Variants in DYM observed in about 807,000 individuals in gnomAD.
DYM encodes the protein dymeclin, also known as dyggve-Melchior-Clausen syndrome protein.
A neutral mutation model predicts 93.1 loss-of-function variants in DYM; 78 were observed. The observed-to-expected ratio is 0.84, with a 90% CI of 0.70 to 1.01. DYM has a LOEUF of 1.01. DYM is among the 50% of genes least tolerant of loss of function. DYM has a pLI of 0.00. For missense variants in DYM, 789 were observed against 845.0 expected (o/e 0.93, Z 0.82); for synonymous variants, 321 against 319.7 (o/e 1.00, Z -0.04).
At chr18:49,334,107 C>G (rs2063503317) in intron 6 of DYM, among the ~76,000 whole-genome samples, 2 of 152,136 alleles carry the variant, frequency 1.3e-5, no homozygotes, top group African/African-American at 4.8e-5. Context: ...TATTAAATGA[C>G]AAGTCTATTT....
At chr18:49,379,548 G>T in intron 4 of DYM, 117 bp downstream of exon 4, 7 of 901,366 alleles carry the variant, frequency 7.8e-6, no homozygotes, top group Admixed American at 6.6e-5. Context: ...TCTTAATAAT[G>T]AGAATAATTC....
At chr18:49,056,127 TCACCCTCTGCTCCCA>T (rs1421038327) in intron 17 of DYM, among the ~76,000 whole-genome samples, 4 of 152,160 alleles carry the variant, frequency 2.6e-5, no homozygotes, top group African/African-American at 9.7e-5. Context: ...TCTTCAGCTG[TCACCCTCTGCTCCCA>T]CTTTCCTGAA....
At chr18:49,360,509 C>T (rs1307719311) in intron 6 of DYM, among the ~76,000 whole-genome samples, 1 of 151,964 alleles carries the variant, frequency 6.6e-6, no homozygotes, top group African/African-American at 2.4e-5. Flanking sequence ...GTAATCCCAG[C>T]TACTCAGGAG....
chr18:49,088,250 C>T (rs553901038), intron 17 of DYM, among the ~76,000 whole-genome samples: 1 of 152,230 alleles, frequency 6.6e-6, no homozygotes, highest in East Asian at 1.9e-4. Context: ...GGTTTTAGGT[C>T]TAACACCTAA....
chr18:49,327,790 T>C (rs2063006578), intron 8 of DYM, among the ~76,000 whole-genome samples: 1 of 152,166 alleles, frequency 6.6e-6, no homozygotes. Flanking sequence ...ATGACAGACA[T>C]CATTCTTACA....
chr18:49,349,656 C>T (rs2064939717), intron 6 of DYM, among the ~76,000 whole-genome samples: 1 of 152,108 alleles, frequency 6.6e-6, no homozygotes, highest in African/African-American at 2.4e-5. Context: ...TGAGCAAATG[C>T]ACATAAGAAT....
chr18:49,214,168 C>G (rs1387405164), intron 13 of DYM, among the ~76,000 whole-genome samples: 3 of 152,200 alleles, frequency 2.0e-5, no homozygotes, highest in Non-Finnish European at 4.4e-5. Context: ...ATCCCCCATT[C>G]TGAAGCCTGT....
intron 6 of DYM, among the ~76,000 whole-genome samples, chr18:49,361,409 TA>T: frequency 6.6e-6 from 1 of 152,364 alleles, no homozygotes; most frequent in South Asian, 2.1e-4. Flanking sequence ...CATAGACAAA[TA>T]GCACATTTCC....
chr18:49,119,987 G>A (rs1025818081), intron 15 of DYM, among the ~76,000 whole-genome samples: 1 of 150,584 alleles, frequency 6.6e-6, no homozygotes, highest in Non-Finnish European at 1.5e-5. Context: ...GCTGAGGGGG[G>A]AGGATGGCTT....
intron 1 of DYM, among the ~76,000 whole-genome samples, chr18:49,441,296 TAATTATATATAATTA>T (rs1245547671): frequency 1.1e-4 from 5 of 44,908 alleles, no homozygotes; most frequent in South Asian, 6.1e-4. Context: ...ATATATAATA[TAATTATATATAATTA>T]ATATATAATT....
chr18:49,196,996 T>C (rs948594785), intron 14 of DYM, among the ~76,000 whole-genome samples: 1 of 152,042 alleles, frequency 6.6e-6, no homozygotes, highest in Non-Finnish European at 1.5e-5. Context: ...TGAGGATGAA[T>C]ACAGCAGGTG....
At chr18:49,447,441 T>C (rs1027575124) in intron 1 of DYM, 2 of 152,370 alleles carry the variant, frequency 1.3e-5, no homozygotes, top group South Asian at 2.1e-4. Context: ...CACTTCATAA[T>C]GGCAGCTTTG....
At chr18:49,050,701 T>A (rs2072320020) in intron 17 of DYM, among the ~76,000 whole-genome samples, 1 of 152,126 alleles carries the variant, frequency 6.6e-6, no homozygotes, top group Admixed American at 6.5e-5. Context: ...AGGCACTTCC[T>A]GCTTCACTAA....
intron 17 of DYM, among the ~76,000 whole-genome samples, chr18:49,066,137 A>G (rs1244525223): frequency 6.6e-6 from 1 of 151,382 alleles, no homozygotes; most frequent in Non-Finnish European, 1.5e-5. Flanking sequence ...TTTGCCATAT[A>G]GCAAAAACCA....
intron 4 of DYM, among the ~76,000 whole-genome samples, chr18:49,379,081 C>T (rs1477200422): frequency 1.3e-5 from 2 of 152,086 alleles, no homozygotes; most frequent in East Asian, 1.9e-4. Context: ...CCAAAATTTT[C>T]GACGAGGCAT....
At position 49,111,559 on chromosome 18, in the gene DYM, G is replaced by A. The variant is rs760223607; in HGVS notation, c.1911+7185C>T. Among the ~76,000 whole-genome samples the A allele has an allele frequency of 1.2e-4, 19 of 152,210 alleles. 1 individual carries two copies. The highest frequency in any genetic ancestry group is 2.6e-4 in the Non-Finnish European group (18 of 68,048). ...GGTTGAGCTGATTCACTCAGAAGGT[G>A]AGCTAAATTTGAGTTTTGCTGTTGC... On this transcript the variant is annotated intron_variant, in intron 16 of 17. Coordinates refer to ENST00000675505, the MANE Select transcript of DYM (RefSeq NM_001353214.3).
intron 6 of DYM, among the ~76,000 whole-genome samples, chr18:49,344,269 T>C (rs2064397361): frequency 6.6e-6 from 1 of 152,154 alleles, no homozygotes; most frequent in Non-Finnish European, 1.5e-5. Flanking sequence ...CATCAACTAC[T>C]GCTTCCTCGT....
intron 17 of DYM, among the ~76,000 whole-genome samples, chr18:49,070,275 G>A (rs1392019132): frequency 1.3e-5 from 2 of 152,156 alleles, no homozygotes; most frequent in Admixed American, 1.3e-4. Context: ...GGGAGTTTAC[G>A]TGCATTGTTT....
chr18:49,193,731 CAGAGAG>C (rs2091193606), intron 14 of DYM, among the ~76,000 whole-genome samples: 1 of 152,170 alleles, frequency 6.6e-6, no homozygotes, highest in South Asian at 2.1e-4. Context: ...GAAGGGACTC[CAGAGAG>C]ACTTGGATTC....
Sources: allele counts gnomAD v4.1 joint callset (sites outside exome capture counted in the v4.1 genomes callset), GRCh38; gene constraint gnomAD v4.1.1; transcripts MANE v1.5; gene names NCBI Gene and HGNC (gene_info 2026-07-23, HGNC 2026-07-21).